ERBB4: variants seen among roughly 807,000 people sequenced by gnomAD.
The protein encoded by ERBB4 is erb-b2 receptor tyrosine kinase 4, also known as receptor tyrosine-protein kinase erbB-4.
In ERBB4, 42 loss-of-function variants were observed where a neutral mutation model predicts 158.0. The observed-to-expected ratio is 0.27, with a 90% CI of 0.21 to 0.34. The LOEUF (loss-of-function observed/expected upper bound fraction) is 0.34. Among genes scored for constraint, ERBB4 ranks in the 10% least tolerant of loss-of-function variants. The pLI, the probability that ERBB4 is intolerant of heterozygous loss-of-function variation, is 1.00. For missense variants in ERBB4, 1,333 were observed against 1,624.1 expected (o/e 0.82, Z 3.08); for synonymous variants, 583 against 558.7 (o/e 1.04, Z -0.61).
chr2:211,779,326 C>T (rs2075977831), intron 4 of ERBB4: 1 of 152,146 alleles, frequency 6.6e-6, no homozygotes, highest in Admixed American at 6.6e-5. Context: ...TAGATATTAC[C>T]TTACATGACA....
At chr2:212,117,920 A>C (rs898772891) in intron 2 of ERBB4, among the ~76,000 whole-genome samples, 1 of 152,152 alleles carries the variant, frequency 6.6e-6, no homozygotes. Context: ...ATTTGAACAA[A>C]CTATTCAGTA....
chr2:212,496,248 C>A (rs59399497), intron 1 of ERBB4, among the ~76,000 whole-genome samples: 6,766 of 149,936 alleles, frequency 0.045, 520 homozygotes, highest in African/African-American at 0.16. Flanking sequence ...AAATATGGAA[C>A]AGACAAAGTA....
chr2:212,235,650 AGT>A (rs1398602262), intron 1 of ERBB4, among the ~76,000 whole-genome samples: 1 of 152,202 alleles, frequency 6.6e-6, no homozygotes, highest in Non-Finnish European at 1.5e-5. Flanking sequence ...TTCCTTAAAC[AGT>A]GGTTTGTAGT....
chr2:211,478,581 T>G (rs934012051), intron 20 of ERBB4, among the ~76,000 whole-genome samples: 3 of 152,148 alleles, frequency 2.0e-5, no homozygotes, highest in Non-Finnish European at 4.4e-5. Context: ...ATAGATTTGA[T>G]TTCAAAGCTT....
At chr2:212,488,784 T>C (rs1030602148) in intron 1 of ERBB4, among the ~76,000 whole-genome samples, 9 of 151,764 alleles carry the variant, frequency 5.9e-5, no homozygotes, top group Admixed American at 4.6e-4. Context: ...GATGACCTCA[T>C]GAACAGCTGT....
intron 1 of ERBB4, among the ~76,000 whole-genome samples, chr2:212,293,861 A>G (rs1559945755): frequency 6.7e-6 from 1 of 149,582 alleles, no homozygotes; most frequent in East Asian, 2.0e-4. Flanking sequence ...AAAAAAAACA[A>G]AAAAAAAAAA....
intron 3 of ERBB4, among the ~76,000 whole-genome samples, chr2:211,797,281 T>C (rs2076402126): frequency 6.6e-6 from 1 of 151,908 alleles, no homozygotes; most frequent in African/African-American, 2.4e-5. Context: ...GTCATATTAG[T>C]ACTCAGAAAT....
At chr2:212,418,854 T>C (rs1476530928) in intron 1 of ERBB4, among the ~76,000 whole-genome samples, 1 of 151,900 alleles carries the variant, frequency 6.6e-6, no homozygotes, top group African/African-American at 2.4e-5. Context: ...TAGGTGTTTC[T>C]GAAGTGTTTT....
chr2:211,594,474 A>T (rs2068573106), intron 19 of ERBB4, among the ~76,000 whole-genome samples: 1 of 152,124 alleles, frequency 6.6e-6, no homozygotes, highest in African/African-American at 2.4e-5. Flanking sequence ...AAACTAAGCA[A>T]TAATTTGCTT....
chr2:211,755,136 A>G (rs1468533639), intron 4 of ERBB4, among the ~76,000 whole-genome samples: 2 of 152,216 alleles, frequency 1.3e-5, no homozygotes, highest in African/African-American at 4.8e-5. Flanking sequence ...GCTCAAAGAG[A>G]TGAAATAAGA....
intron 20 of ERBB4, among the ~76,000 whole-genome samples, chr2:211,460,937 A>G (rs2064513899): frequency 6.6e-6 from 1 of 152,094 alleles, no homozygotes; most frequent in Admixed American, 6.6e-5. Context: ...AGCCAGGTAT[A>G]TTGCTCTTCT....
chr2:212,382,865 T>C (rs1338466854), intron 1 of ERBB4, among the ~76,000 whole-genome samples: 1 of 151,368 alleles, frequency 6.6e-6, no homozygotes. Context: ...TGAATTTTTC[T>C]GTACATTTTA....
At chr2:212,210,844 A>G (rs931363659) in intron 1 of ERBB4, among the ~76,000 whole-genome samples, 2 of 152,064 alleles carry the variant, frequency 1.3e-5, no homozygotes, top group African/African-American at 2.4e-5. Flanking sequence ...TCTTGGTTCT[A>G]TATCTCCAAC....
At chr2:211,685,413 C>T (rs1318821913) in intron 12 of ERBB4, among the ~76,000 whole-genome samples, 4 of 152,152 alleles carry the variant, frequency 2.6e-5, no homozygotes, top group Admixed American at 6.5e-5. Context: ...ATTGCTTTTG[C>T]ACCTTTGTAA....
intron 12 of ERBB4, among the ~76,000 whole-genome samples, chr2:211,685,730 T>C (rs1324058610): frequency 6.6e-6 from 1 of 152,192 alleles, no homozygotes; most frequent in African/African-American, 2.4e-5. Flanking sequence ...ATCTTTATGA[T>C]TTTGAGCTAT....
rs148748739 is a variant in ERBB4, at chr2:211,758,810, G to A, written c.557-8106C>T. On this transcript the variant is annotated intron_variant, in intron 4 of 27. Coordinates refer to ENST00000342788, the MANE Select transcript of ERBB4 (RefSeq NM_005235.3). ...AACCTGTTCAGCTATATGTAGTGGTGGGCCTTCCAAGGATGTTCTAAGCAT... is the reference window on the plus strand; with the variant it reads ...AACCTGTTCAGCTATATGTAGTGGTAGGCCTTCCAAGGATGTTCTAAGCAT... 7.3e-3 allele frequency among the ~76,000 whole-genome samples: 1,119 copies of A among 152,276 alleles called. 19 individuals are homozygous for A. The highest frequency in any genetic ancestry group is 0.048 in the Middle Eastern group (14 of 294).
chr2:212,247,945 CAG>C (rs748498593), intron 1 of ERBB4, among the ~76,000 whole-genome samples: 12 of 152,100 alleles, frequency 7.9e-5, no homozygotes, highest in Non-Finnish European at 1.5e-4. Flanking sequence ...GCCTGAGTGA[CAG>C]AGTTAGGCCT....
intron 20 of ERBB4, among the ~76,000 whole-genome samples, chr2:211,513,034 A>G (rs12623444): frequency 0.31 from 47,447 of 151,816 alleles, 8,382 homozygotes; most frequent in East Asian, 0.42. Flanking sequence ...CTGATTGCCT[A>G]TGGTTGGAGA....
intron 13 of ERBB4, among the ~76,000 whole-genome samples, chr2:211,676,752 C>T (rs2105949906): frequency 6.6e-6 from 1 of 152,184 alleles, no homozygotes; most frequent in Middle Eastern, 3.4e-3. Context: ...CATATATATT[C>T]AATAAACTTT....
Sources: allele counts gnomAD v4.1 joint callset (sites outside exome capture counted in the v4.1 genomes callset), GRCh38; gene constraint gnomAD v4.1.1; transcripts MANE v1.5; gene names NCBI Gene and HGNC (gene_info 2026-07-23, HGNC 2026-07-21).